Variants in C6orf132 observed in about 807,000 individuals in gnomAD.
The protein encoded by C6orf132 is chromosome 6 open reading frame 132, also known as uncharacterized protein C6orf132.
C6orf132 carries 43 observed loss-of-function variants against 65.3 expected under a neutral mutation model. The ratio of observed to expected loss-of-function variants is 0.66; its 90% CI spans 0.52 to 0.85. The LOEUF (loss-of-function observed/expected upper bound fraction) is 0.85. Ranked by LOEUF, C6orf132 falls within the 40% of genes least tolerant of loss-of-function variation. C6orf132 has a pLI of 0.00. For missense variants in C6orf132, 1,488 were observed against 1,548.8 expected (o/e 0.96, Z 0.66); for synonymous variants, 631 against 654.1 (o/e 0.96, Z 0.54).
Position 42,105,354 on chromosome 6 carries a change from C to A in C6orf132, c.2558G>T (p.Arg853Met). The A allele has an allele frequency of 6.5e-7, 1 of 1,536,768 alleles. No homozygotes were observed. Among genetic ancestry groups the A allele is most frequent in the Non-Finnish European group, 8.7e-7 (1 of 1,146,884 alleles). The change falls in exon 4 of 5, where the codon AGG becomes ATG. Residue 853 changes from arginine to methionine, a missense_variant. By Grantham distance (91) the Arg-to-Met change is moderately conservative (BLOSUM62 -1). Transcript: ENST00000341865. The part of the protein sequence containing the change: ...LAARQRAQKG[R>M]SVGAALGRSS... ...CCGACCCAGGGCAGCCCCTACAGAC[C>A]TTCCCTTCTGAGCCCTCTGCCTGGC...
In C6orf132 at chr6:42,125,439, G is replaced by A. The variant is rs147884310; in HGVS notation, c.252+3233C>T. ...GGCACACAGTGAGTGCTCAGCATAC[G>A]GTGGCCACGATCACAGGCCGTGCCA... On this transcript the variant is annotated intron_variant, in intron 2 of 4. Coordinates refer to ENST00000341865, the MANE Select transcript of C6orf132 (RefSeq NM_001164446.3). Among the ~76,000 whole-genome samples, 21 of 152,288 alleles carry A rather than the reference G, an allele frequency of 1.4e-4. No homozygotes were observed. The East Asian group carries it at 3.1e-3, about 22-fold the overall frequency.
Position 42,105,344 on chromosome 6 carries a change from C to T in C6orf132, c.2568G>A (p.Gly856=), listed in dbSNP as rs1197945355. 1.3e-6 allele frequency: 2 copies of T among 1,536,700 alleles called. No homozygotes were observed. Among genetic ancestry groups the T allele is most frequent in the Admixed American group, 2.0e-5 (1 of 50,986 alleles). Reference sequence around the variant, plus strand: ...GCAGAGAGGACCGACCCAGGGCAGCCCCTACAGACCTTCCCTTCTGAGCCC... The same window carrying T: ...GCAGAGAGGACCGACCCAGGGCAGCTCCTACAGACCTTCCCTTCTGAGCCC... ...RQRAQKGRSV[G]AALGRSSLPG... The change falls in exon 4 of 5, where the codon GGG becomes GGA. Residue 856 remains glycine (G), a synonymous_variant. Coordinates refer to ENST00000341865, the MANE Select transcript of C6orf132 (RefSeq NM_001164446.3).
intron 3 of C6orf132, among the ~76,000 whole-genome samples, chr6:42,109,043 C>G (rs939417300): frequency 6.6e-6 from 1 of 152,174 alleles, no homozygotes; most frequent in African/African-American, 2.4e-5. Context: ...TTGAACGGGA[C>G]AATGAACATA....
chr6:42,101,851 C>T lies in C6orf132; in HGVS notation c.*1910G>A, dbSNP rs1392872316. 2 of 152,288 alleles carry T rather than the reference C, an allele frequency of 1.3e-5. No individual in the cohort carries two copies. The highest frequency in any genetic ancestry group is 3.9e-4 in the East Asian group (2 of 5,176). 9.4% of individuals were successfully genotyped at this position (152,288 alleles called of 1,614,324 possible). A position where few individuals can be genotyped will look rare whatever the true frequency, so the allele number is the denominator to read the frequency against. ...GCACTTTCTTCCCTAAAGTGGCTCA[C>T]CTGCTGTCCTGACAACCAGCCTCGG... is the stretch of plus-strand genomic sequence containing the variant. On this transcript the variant is annotated 3_prime_UTR_variant, in exon 5 of 5. Coordinates refer to ENST00000341865, the MANE Select transcript of C6orf132 (RefSeq NM_001164446.3).
In C6orf132 at chr6:42,104,909, C is replaced by T. The variant is rs1217685763; in HGVS notation, c.3003G>A (p.Pro1001=). The T allele has an allele frequency of 3.4e-6, 5 of 1,454,408 alleles. No homozygotes were observed. The highest frequency in any genetic ancestry group is 2.8e-5 in the South Asian group (2 of 71,090). The allele number at this position is 1,454,408 out of a possible 1,614,324, so 90.1% of individuals were successfully genotyped here. The part of the protein sequence containing the change: ...EFSNDPEPPA[P]ALQYLGRQSS... Reference sequence around the variant, plus strand: ...TCTGGCGGCCCAGATACTGGAGGGCCGGGGCCGGGGGCTCAGGGTCATTGC... The same window carrying T: ...TCTGGCGGCCCAGATACTGGAGGGCTGGGGCCGGGGGCTCAGGGTCATTGC... Residue 1001 remains proline, a synonymous_variant, in exon 4 of 5, where the codon CCG becomes CCA. Transcript: ENST00000341865. The surrounding 1 kb of genome is among the most constrained non-coding windows in gnomAD (Gnocchi z 4.1).
In C6orf132 at chr6:42,106,439, C is replaced by A; in HGVS notation, c.1473G>T (p.Arg491Ser). ...SRREDRFLSH[R>S]PGPTVAPQSK... ...TCTGAGGGGCCACTGTTGGGCCTGGCCTGTGACTGAGGAATCGGTCCTCTC... is the reference window on the plus strand; with the variant it reads ...TCTGAGGGGCCACTGTTGGGCCTGGACTGTGACTGAGGAATCGGTCCTCTC... Residue 491 changes from arginine (R) to serine (S), a missense_variant, in exon 4 of 5, where the codon AGG becomes AGT. Transcript: ENST00000341865. 6.5e-7 allele frequency: 1 copy of A among 1,536,170 alleles called. No homozygotes were observed. Among genetic ancestry groups the A allele is most frequent in the Non-Finnish European group, 8.7e-7 (1 of 1,146,844 alleles).
intron 1 of C6orf132, among the ~76,000 whole-genome samples, chr6:42,137,477 G>T (rs1766962313): frequency 1.3e-5 from 2 of 152,086 alleles, no homozygotes; most frequent in Admixed American, 6.5e-5. Flanking sequence ...TAGGAGGTGG[G>T]AGTTTCCCAC....
chr6:42,127,548 T>C (rs573378904), intron 2 of C6orf132, among the ~76,000 whole-genome samples: 109 of 152,246 alleles, frequency 7.2e-4, no homozygotes, highest in African/African-American at 2.5e-3. Context: ...CCAGGACCAA[T>C]GTGTGGGGTG....
intron 2 of C6orf132, among the ~76,000 whole-genome samples, chr6:42,127,017 C>T (rs1446038159): frequency 6.6e-6 from 1 of 151,908 alleles, no homozygotes; most frequent in East Asian, 1.9e-4. Flanking sequence ...TGCAGTAGTG[C>T]AATCATAGCT....
At chr6:42,126,135 G>C (rs1435409572) in intron 2 of C6orf132, among the ~76,000 whole-genome samples, 1 of 152,038 alleles carries the variant, frequency 6.6e-6, no homozygotes, top group African/African-American at 2.4e-5. Flanking sequence ...AGGCTGGAGT[G>C]CAGTGGTGCA....
intron 2 of C6orf132, among the ~76,000 whole-genome samples, chr6:42,115,602 A>C (rs1269070029): frequency 6.6e-6 from 1 of 150,434 alleles, no homozygotes; most frequent in African/African-American, 2.4e-5. Context: ...GCCGAGATGG[A>C]GGCACTGCAC....
At chr6:42,110,465 G>C (rs764940804) in intron 2 of C6orf132, among the ~76,000 whole-genome samples, 174 bp from the exon 3 acceptor site, 1 of 152,152 alleles carries the variant, frequency 6.6e-6, no homozygotes, top group Non-Finnish European at 1.5e-5. Context: ...GAATCTTGTG[G>C]TACAGTCAAC....
chr6:42,116,096 A>G (rs933610013), intron 2 of C6orf132, among the ~76,000 whole-genome samples: 2 of 150,662 alleles, frequency 1.3e-5, no homozygotes, highest in African/African-American at 2.4e-5. Context: ...CACCCGGCTA[A>G]TTTTTGTATT....
intron 2 of C6orf132, among the ~76,000 whole-genome samples, chr6:42,115,685 G>C (rs1205647377): frequency 6.6e-6 from 1 of 151,932 alleles, no homozygotes; most frequent in Non-Finnish European, 1.5e-5. Context: ...CGGTTAAAAC[G>C]GTAAATTTTA....
At position 42,142,418 on chromosome 6, in the gene C6orf132, GC is replaced by G. The variant is rs1252027361; in HGVS notation, c.26del (p.Gly9AlafsTer53). 1 of 1,551,292 alleles carries G rather than the reference GC, an allele frequency of 6.4e-7. No homozygotes were observed. Among genetic ancestry groups the G allele is most frequent in the East Asian group, 2.4e-5 (1 of 40,884 alleles). MKKKQTVQGTFSKLFGKKH... is the reference protein window; with the variant it reads MKKKQTVQXTFSKLFGKKH... Reference sequence around the variant, plus strand: ...TCTTCCCGAAGAGTTTGCTGAAGGTGCCCTGCACCGTCTGCTTCTTTTTCAT... The same window carrying G: ...TCTTCCCGAAGAGTTTGCTGAAGGTGCCTGCACCGTCTGCTTCTTTTTCAT... On this transcript the variant is annotated frameshift_variant, in exon 1 of 5. Coordinates refer to ENST00000341865, the MANE Select transcript of C6orf132 (RefSeq NM_001164446.3). LOFTEE classifies it high-confidence loss of function.
intron 2 of C6orf132, among the ~76,000 whole-genome samples, chr6:42,111,987 C>A (rs552654540): frequency 6.6e-6 from 1 of 150,764 alleles, no homozygotes; most frequent in South Asian, 2.1e-4. Context: ...ACCTATTACA[C>A]CCATCCCACA....
chr6:42,116,858 A>G (rs1217938433), intron 2 of C6orf132, among the ~76,000 whole-genome samples: 1 of 151,942 alleles, frequency 6.6e-6, no homozygotes, highest in Non-Finnish European at 1.5e-5. Context: ...GGGCACAAAA[A>G]CCACCTGTTG....
chr6:42,113,164 C>T (rs762268915), intron 2 of C6orf132, among the ~76,000 whole-genome samples: 1 of 152,154 alleles, frequency 6.6e-6, no homozygotes, highest in Non-Finnish European at 1.5e-5. Flanking sequence ...CTAATAACCT[C>T]CATCAAGTAC....
intron 2 of C6orf132, among the ~76,000 whole-genome samples, chr6:42,116,004 A>G (rs1297557710): frequency 7.4e-6 from 1 of 134,356 alleles, no homozygotes; most frequent in Non-Finnish European, 1.5e-5. Context: ...ATCTCGGCTC[A>G]CTGCAACCTT....
Sources: gnomAD v4.1 joint callset for allele counts (sites outside exome capture counted in the v4.1 genomes callset) on GRCh38, gnomAD v4.1.1 for gene constraint, Gnocchi (gnomAD v3.1) non-coding constraint, MANE v1.5 for transcripts, NCBI Gene and HGNC (gene_info 2026-07-23, HGNC 2026-07-21) for gene names.